NPC1L1: variants seen among roughly 807,000 people sequenced by gnomAD.
NPC1L1 encodes NPC1-like intracellular cholesterol transporter 1.
A neutral mutation model predicts 117.0 loss-of-function variants in NPC1L1; 98 were observed. That is an observed-to-expected ratio of 0.84 (90% CI 0.71 to 0.99). NPC1L1 has a LOEUF of 0.99. NPC1L1 is among the 50% of genes least tolerant of loss of function. The pLI is 0.00. For missense variants in NPC1L1, 1,540 were observed against 1,710.0 expected, an observed-to-expected ratio of 0.90 and a Z score of 1.75; for synonymous variants, 729 against 727.6, an observed-to-expected ratio of 1.00 and a Z score of -0.03.
rs1802018188 is a variant in NPC1L1 at position 44,539,589 on chromosome 7, G to C, written c.808C>G (p.Gln270Glu). The change falls in exon 2 of 19, where the codon CAG becomes GAG. Residue 270 changes from glutamine (Q) to glutamate (E), a missense_variant. This residue lies in a region of NPC1L1 where 793 missense variants were observed against 820.4 expected (regional missense o/e 0.97). Transcript: ENST00000381160. This position sits in a 1 kb window ranked among gnomAD's most constrained non-coding sequence, Gnocchi z 4.4. The stretch of plus-strand genomic sequence containing the variant: ...AGGTAGAAGGTGGAGTCGAGGGCCT[G>C]GGGGCGGGCTATGGCAGGACAGGAT... ...AASCPAIARP[Q>E]ALDSTFYLGQ... is the part of the protein sequence containing the mutation. The C allele has an allele frequency of 1.2e-6, 2 of 1,613,896 alleles. No homozygotes were observed. Among genetic ancestry groups the C allele is most frequent in the Non-Finnish European group, 1.7e-6 (2 of 1,179,910 alleles).
chr7:44,536,476 T>TC lies in NPC1L1; in HGVS notation c.1682-49dup. The TC allele has an allele frequency of 1.3e-6, 2 of 1,581,624 alleles. No individual in the cohort carries two copies. The highest frequency in any genetic ancestry group is 1.7e-6 in the Non-Finnish European group (2 of 1,163,872). ...CCTTCCTGCTGCACCCGTGCCTCCC[T>TC]CCCCCTCCAGCTGCACCCCTATATT... is the stretch of plus-strand genomic sequence containing the variant. On this transcript the variant is annotated intron_variant, in intron 3 of 18. Transcript: ENST00000381160. The surrounding 1 kb of genome is among the most constrained non-coding windows in gnomAD (Gnocchi z 4.7).
chr7:44,530,124 G>A (rs888473478), intron 10 of NPC1L1, among the ~76,000 whole-genome samples: 1 of 151,674 alleles, frequency 6.6e-6, no homozygotes, highest in African/African-American at 2.4e-5. Context: ...GATCACCTGA[G>A]GTCAGAAGTT....
chr7:44,541,303 AG>A lies in NPC1L1; in HGVS notation c.-45del. ...TCAGCGGGGAGCCAGGCCAGGCCTC[AG>A]GAACAGCCAAGGGCTGAACACACAT... On this transcript the variant is annotated 5_prime_UTR_variant, in exon 1 of 19. An upstream open reading frame in the 5' UTR gains an earlier in-frame stop. Coordinates refer to ENST00000381160, the MANE Select transcript of NPC1L1 (RefSeq NM_001101648.2). 2 of 1,540,832 alleles carry A rather than the reference AG, an allele frequency of 1.3e-6. No individual in the cohort carries two copies. Among genetic ancestry groups the A allele is most frequent in the Non-Finnish European group, 1.8e-6 (2 of 1,139,928 alleles).
chr7:44,538,380 C>A lies in NPC1L1; in HGVS notation c.1580+437G>T, dbSNP rs1801965299. On this transcript the variant is annotated intron_variant, in intron 2 of 18. Transcript: ENST00000381160. This position sits in a 1 kb window ranked among gnomAD's most constrained non-coding sequence, Gnocchi z 5.9. Reference sequence around the variant, plus strand: ...GCCACGACCTCTGGCCTGAGGGCACCTTTTCCAATGCATACCATGGTACCT... The same window carrying A: ...GCCACGACCTCTGGCCTGAGGGCACATTTTCCAATGCATACCATGGTACCT... 6.6e-6 allele frequency among the ~76,000 whole-genome samples: 1 copy of A among 152,252 alleles called. No homozygotes were observed. Among genetic ancestry groups the A allele is most frequent in the Admixed American group, 6.5e-5 (1 of 15,290 alleles).
At chr7:44,515,748 C>T in intron 18 of NPC1L1, 55 bp downstream of exon 18, 2 of 1,608,876 alleles carry the variant, frequency 1.2e-6, no homozygotes, top group South Asian at 1.1e-5. Context: ...TGCACTGTTA[C>T]TGTTGTCGTC....
At chr7:44,522,000 G>A in intron 11 of NPC1L1, 52 bp downstream of exon 11, 1 of 1,602,296 alleles carries the variant, frequency 6.2e-7, no homozygotes, top group South Asian at 1.1e-5. Context: ...GAGAGGACTG[G>A]AGGGACTCAA....
intron 10 of NPC1L1, among the ~76,000 whole-genome samples, chr7:44,525,703 C>A (rs1801493076): frequency 6.6e-6 from 1 of 151,320 alleles, no homozygotes; most frequent in African/African-American, 2.4e-5. Flanking sequence ...CAAGACCCTG[C>A]CTCTAAAAAA....
intron 8 of NPC1L1, 65 bp downstream of exon 8, chr7:44,533,364 ACC>A: frequency 6.2e-7 from 1 of 1,606,036 alleles, no homozygotes; most frequent in Non-Finnish European, 8.5e-7. Flanking sequence ...TGGTAAAGCC[ACC>A]CCATCTCCCT....
Position 44,535,828 on chromosome 7 carries a change from C to T in NPC1L1, c.1983+12G>A, listed in dbSNP as rs575773964. 14 of 1,612,480 alleles carry T rather than the reference C, an allele frequency of 8.7e-6. 1 individual carries two copies. In the Admixed American group the frequency reaches 1.7e-4, roughly 19 times the overall value. On this transcript the variant is annotated intron_variant, in intron 5 of 18. Coordinates refer to ENST00000381160, the MANE Select transcript of NPC1L1 (RefSeq NM_001101648.2). ...GGCTAGCCCACTTAGCTGTGTCCCT[C>T]CCGCTTCTCACCATCACTCGGCTCC...
At position 44,515,897 on chromosome 7, in the gene NPC1L1, G is replaced by A. The variant is rs1801167845; in HGVS notation, c.3702C>T (p.Leu1234=). ...ILVLGLAKAQ[L]IQIFFFRLNL... ...TGAGGCGGAAGAAGAAGATCTGAAT[G>A]AGCTGGGCCTTGGCGAGGCCCAGGA... The change falls in exon 18 of 19, where the codon CTC becomes CTT. Residue 1234 remains leucine, a synonymous_variant. Transcript: ENST00000381160. 1.9e-6 allele frequency: 3 copies of A among 1,614,072 alleles called. No homozygotes were observed. The highest frequency in any genetic ancestry group is 2.5e-6 in the Non-Finnish European group (3 of 1,180,044).
intron 10 of NPC1L1, among the ~76,000 whole-genome samples, chr7:44,524,809 C>A (rs1284546700): frequency 6.6e-6 from 1 of 151,452 alleles, no homozygotes; most frequent in Admixed American, 6.6e-5. Flanking sequence ...GCTCAAAGAG[C>A]TAAAAGAAAA....
intron 5 of NPC1L1, 110 bp downstream of exon 5, chr7:44,535,730 G>T: frequency 6.7e-7 from 1 of 1,492,822 alleles, no homozygotes; most frequent in Non-Finnish European, 9.2e-7. Flanking sequence ...ACTTGGGTGT[G>T]TCCACTTTGC....
At position 44,534,772 on chromosome 7, in the gene NPC1L1, C is replaced by A; in HGVS notation, c.1984-143G>T. On this transcript the variant is annotated intron_variant, in intron 5 of 18. Transcript: ENST00000381160. This position sits in a 1 kb window ranked among gnomAD's most constrained non-coding sequence, Gnocchi z 5.2. The stretch of plus-strand genomic sequence containing the variant: ...ATACTGCCCCCAGTGGTGAGGAGCT[C>A]ACATCTCACATTAAAGCCCCTCTGC... 1.3e-6 allele frequency: 1 copy of A among 777,500 alleles called. No individual in the cohort carries two copies. Among genetic ancestry groups the A allele is most frequent in the Non-Finnish European group, 2.1e-6 (1 of 486,500 alleles). The allele number at this position is 777,500 out of a possible 1,614,324, so 48.2% of individuals were successfully genotyped here. A position where few individuals can be genotyped will look rare whatever the true frequency, so the allele number is the denominator to read the frequency against.
intron 10 of NPC1L1, among the ~76,000 whole-genome samples, chr7:44,525,742 T>G (rs959855997): frequency 7.2e-5 from 11 of 152,122 alleles, no homozygotes; most frequent in Admixed American, 7.2e-4. Flanking sequence ...TAAAATAAGT[T>G]TTTTAAAAAA....
In NPC1L1 at chr7:44,516,730, A is replaced by G. The variant is rs2117020554; in HGVS notation, c.3492T>C (p.Asn1164=). 2 of 1,612,334 alleles carry G rather than the reference A, an allele frequency of 1.2e-6. No individual in the cohort carries two copies. Among genetic ancestry groups the G allele is most frequent in the South Asian group, 1.1e-5 (1 of 90,660 alleles). ...GFMALWGISY[N]AVSLINLVSA... is the part of the protein sequence containing the mutation. ...AGACCAGGTTGATGAGGGACACAGCATTGTAACTGATGCCCCACAGGGCCA... is the reference window on the plus strand; with the variant it reads ...AGACCAGGTTGATGAGGGACACAGCGTTGTAACTGATGCCCCACAGGGCCA... The change falls in exon 16 of 19, where the codon AAT becomes AAC. Residue 1164 remains asparagine, a synonymous_variant. Transcript: ENST00000381160.
chr7:44,522,746 C>T (rs1451860620), intron 10 of NPC1L1, among the ~76,000 whole-genome samples: 1 of 152,122 alleles, frequency 6.6e-6, no homozygotes, highest in African/African-American at 2.4e-5. Context: ...CAGAGCAACA[C>T]CTATCACCTC....
At chr7:44,528,140 C>A (rs1801581600) in intron 10 of NPC1L1, among the ~76,000 whole-genome samples, 1 of 152,106 alleles carries the variant, frequency 6.6e-6, no homozygotes, top group African/African-American at 2.4e-5. Context: ...TTTTTTGAGA[C>A]AAGGTGTCTC....
intron 2 of NPC1L1, 90 bp from the exon 3 acceptor site, chr7:44,537,032 C>T: frequency 1.9e-6 from 2 of 1,044,614 alleles, no homozygotes; most frequent in Non-Finnish European, 1.4e-6. Flanking sequence ...CCCAGACCCA[C>T]AGCACTATGG....
At chr7:44,529,593 G>T (rs947754532) in intron 10 of NPC1L1, among the ~76,000 whole-genome samples, 1 of 151,520 alleles carries the variant, frequency 6.6e-6, no homozygotes, top group African/African-American at 2.4e-5. Flanking sequence ...GGTCAAGCTG[G>T]TCTCAAACTC....
Sources: gnomAD v4.1 joint callset for allele counts (sites outside exome capture counted in the v4.1 genomes callset) on GRCh38, gnomAD v4.1.1 for gene constraint, gnomAD v4.1.1 regional missense constraint, Gnocchi (gnomAD v3.1) non-coding constraint, MANE v1.5 for transcripts, NCBI Gene and HGNC (gene_info 2026-07-23, HGNC 2026-07-21) for gene names.